Variants in LHX6 observed in about 807,000 individuals in gnomAD.
LHX6 encodes the protein LIM/homeobox protein Lhx6.
In LHX6, 15 loss-of-function variants were observed where a neutral mutation model predicts 47.1. The ratio of observed to expected loss-of-function variants is 0.32; its 90% CI spans 0.21 to 0.49. The LOEUF is 0.49. LHX6 is among the 20% of genes least tolerant of loss of function. The pLI is 0.99. For missense variants in LHX6, 404 were observed against 539.6 expected (o/e 0.75, Z 2.49); for synonymous variants, 242 against 233.5 (o/e 1.04, Z -0.33).
Position 122,217,425 on chromosome 9 carries a change from C to T in LHX6, c.462-137G>A. On this transcript the variant is annotated intron_variant, in intron 4 of 9. Transcript: ENST00000394319. The surrounding 1 kb of genome is among the most constrained non-coding windows in gnomAD (Gnocchi z 4.9). The stretch of plus-strand genomic sequence containing the variant: ...ACTCAGGCATTAGCCTTAGCTTGGA[C>T]GCAACAACACTCTACACCTAGTCCC... The T allele has an allele frequency of 4.7e-6, 3 of 636,298 alleles. No homozygotes were observed. The highest frequency in any genetic ancestry group is 2.8e-5 in the Admixed American group (1 of 36,156). 39.4% of individuals were successfully genotyped at this position (636,298 alleles called of 1,614,324 possible).
At chr9:122,218,468 T>A (rs1209560475) in intron 4 of LHX6, among the ~76,000 whole-genome samples, 1 of 150,128 alleles carries the variant, frequency 6.7e-6, no homozygotes, top group Non-Finnish European at 1.5e-5. Context: ...ATCCATCTCC[T>A]TCTCACCATC....
At chr9:122,219,293 G>A (rs1387274923) in intron 4 of LHX6, among the ~76,000 whole-genome samples, 3 of 152,220 alleles carry the variant, frequency 2.0e-5, no homozygotes, top group African/African-American at 7.2e-5. Context: ...AGGCGGCGCG[G>A]TTCCCTCAGG....
intron 1 of LHX6, chr9:122,228,025 G>C (rs998030132): frequency 3.2e-5 from 10 of 312,238 alleles, no homozygotes; most frequent in Non-Finnish European, 4.7e-5. Context: ...GGAGAAAAGA[G>C]AGAAAGAAAG....
chr9:122,214,235 A>G lies in LHX6; in HGVS notation c.783+48T>C. 1 of 1,026,968 alleles carries G rather than the reference A, an allele frequency of 9.7e-7. No homozygotes were observed. Among genetic ancestry groups the G allele is most frequent in the Non-Finnish European group, 1.3e-6 (1 of 767,448 alleles). 63.6% of individuals were successfully genotyped at this position (1,026,968 alleles called of 1,614,324 possible). A position where few individuals can be genotyped will look rare whatever the true frequency, so the allele number is the denominator to read the frequency against. On this transcript the variant is annotated intron_variant, in intron 6 of 9. Transcript: ENST00000394319. This position sits in a 1 kb window ranked among gnomAD's most constrained non-coding sequence, Gnocchi z 4.6. Reference sequence around the variant, plus strand: ...CCAGGAGACATTGTCGGCCCCGCCCACTTTCGGCCCGGCCCCCGCCCCCGC... The same window carrying G: ...CCAGGAGACATTGTCGGCCCCGCCCGCTTTCGGCCCGGCCCCCGCCCCCGC...
chr9:122,216,940 C>T (rs1244523923), intron 5 of LHX6, 128 bp downstream of exon 5: 1 of 759,870 alleles, frequency 1.3e-6, no homozygotes, highest in African/African-American at 1.7e-5. Context: ...CCCACCCCTA[C>T]GCTGCCTGCG....
chr9:122,208,950 G>C (rs190210980), intron 9 of LHX6, among the ~76,000 whole-genome samples: 157 of 152,058 alleles, frequency 1.0e-3, no homozygotes, highest in African/African-American at 3.7e-3. Context: ...ACTGGCTTTC[G>C]AGGCTAACTG....
chr9:122,227,505 AGGC>A (rs1220320765), intron 1 of LHX6, 25 bp from the exon 2 acceptor site: 24 of 1,519,218 alleles, frequency 1.6e-5, no homozygotes, highest in East Asian at 5.1e-5. Context: ...GAGGGAACGC[AGGC>A]GGCGGCGGCT....
chr9:122,215,853 T>C (rs1300415527), intron 5 of LHX6, among the ~76,000 whole-genome samples: 1 of 152,110 alleles, frequency 6.6e-6, no homozygotes, highest in African/African-American at 2.4e-5. Flanking sequence ...GGCAGGGTGG[T>C]TCATACTCCT....
At chr9:122,227,058 C>A in intron 2 of LHX6, 28 bp from the exon 3 acceptor site, 1 of 1,453,008 alleles carries the variant, frequency 6.9e-7, no homozygotes, top group Non-Finnish European at 9.1e-7. Context: ...AGGAGAGGAG[C>A]GCTGATCCGG....
chr9:122,203,795 C>T lies in LHX6; in HGVS notation c.*965G>A, dbSNP rs1830068094. On this transcript the variant is annotated 3_prime_UTR_variant, in exon 10 of 10. Transcript: ENST00000394319. ...GACTGCCATTTCACTGGGCTCTGTT[C>T]CCTCTCCCCTATAAGGGATTCCCCT... 1 of 152,646 alleles carries T rather than the reference C, an allele frequency of 6.6e-6. No homozygotes were observed. The highest frequency in any genetic ancestry group is 1.5e-5 in the Non-Finnish European group (1 of 68,130). The allele number at this position is 152,646 out of a possible 1,614,324, so 9.5% of individuals were successfully genotyped here.
rs1398658458 is a variant in LHX6, at chr9:122,214,052, G to A, written c.801C>T (p.Phe267=). The A allele has an allele frequency of 6.2e-7, 1 of 1,602,008 alleles. No individual in the cohort carries two copies. Among genetic ancestry groups the A allele is most frequent in the Non-Finnish European group, 8.5e-7 (1 of 1,179,492 alleles). ...AEQLQVMQAQ[F]AQDNNPDAQT... ...GAGCGTCGGGGTTGTTGTCCTGCGC[G>A]AACTGCGCCTGCATAACCTGCGGGG... Residue 267 remains phenylalanine, a synonymous_variant, in exon 7 of 10, where the codon TTC becomes TTT. Transcript: ENST00000394319. This position sits in a 1 kb window ranked among gnomAD's most constrained non-coding sequence, Gnocchi z 4.6.
At chr9:122,221,163 C>G in intron 4 of LHX6, 1 of 985,378 alleles carries the variant, frequency 1.0e-6, no homozygotes, top group Non-Finnish European at 1.2e-6. Flanking sequence ...GGAGGTGGGG[C>G]CCTACCTATT....
Position 122,213,950 on chromosome 9 carries a change from A to AG in LHX6, c.879+23dup. 1.0e-4 allele frequency: 90 copies of AG among 878,786 alleles called. No homozygotes were observed. The highest frequency in any genetic ancestry group is 1.4e-4 in the Non-Finnish European group (79 of 554,000). 54.4% of individuals were successfully genotyped at this position (878,786 alleles called of 1,614,324 possible). ...GCTCCGGGGCGTGCCCGCGGTCCCC[A>AG]GGCCCCGCCCACCCCCGTCCCACCT... On this transcript the variant is annotated intron_variant, in intron 7 of 9. Coordinates refer to ENST00000394319, the MANE Select transcript of LHX6 (RefSeq NM_014368.5). This position sits in a 1 kb window ranked among gnomAD's most constrained non-coding sequence, Gnocchi z 5.5.
chr9:122,207,220 C>T (rs762510470), intron 9 of LHX6, among the ~76,000 whole-genome samples: 1 of 152,194 alleles, frequency 6.6e-6, no homozygotes, highest in Non-Finnish European at 1.5e-5. Flanking sequence ...ATGAGCACTG[C>T]TCTGTCTGAG....
rs1588345222 is a variant in LHX6 at position 122,214,643 on chromosome 9, G to A, written c.683-260C>T. ...AGGTGGCGTTACCTCATTATACATG[G>A]GAGGAAACTGAGGCTCAGAGAGAAG... On this transcript the variant is annotated intron_variant, in intron 5 of 9. Coordinates refer to ENST00000394319, the MANE Select transcript of LHX6 (RefSeq NM_014368.5). This position sits in a 1 kb window ranked among gnomAD's most constrained non-coding sequence, Gnocchi z 4.6. Among the ~76,000 whole-genome samples, 1 of 152,086 alleles carries A rather than the reference G, an allele frequency of 6.6e-6. No homozygotes were observed. The highest frequency in any genetic ancestry group is 6.6e-5 in the Admixed American group (1 of 15,262).
intron 4 of LHX6, chr9:122,220,994 C>A: frequency 4.3e-6 from 3 of 705,658 alleles, no homozygotes; most frequent in Non-Finnish European, 5.2e-6. Flanking sequence ...ATTAAGCTAC[C>A]CCTTTTCTGT....
At chr9:122,204,920 C>A in intron 9 of LHX6, 140 bp from the exon 10 acceptor site, 1 of 518,966 alleles carries the variant, frequency 1.9e-6, no homozygotes, top group Non-Finnish European at 3.3e-6. Context: ...TGTCAACTGA[C>A]TTGCTGTGGG....
chr9:122,227,537 A>G, intron 1 of LHX6, 57 bp from the exon 2 acceptor site: 3 of 1,494,792 alleles, frequency 2.0e-6, no homozygotes, highest in African/African-American at 1.4e-5. Context: ...GGCTCCGCAC[A>G]GCCTGAGCCC....
chr9:122,214,087 C>A lies in LHX6; in HGVS notation c.784-18G>T, dbSNP rs528471077. On this transcript the variant is annotated intron_variant, in intron 6 of 9. Transcript: ENST00000394319. The surrounding 1 kb of genome is among the most constrained non-coding windows in gnomAD (Gnocchi z 4.6). ...TGCATAACCTGCGGGGCGGGGAGGGCGGTGAGGCGCTCGCACGCAGAGACT... is the reference window on the plus strand; with the variant it reads ...TGCATAACCTGCGGGGCGGGGAGGGAGGTGAGGCGCTCGCACGCAGAGACT... 1.0e-5 allele frequency: 16 copies of A among 1,591,936 alleles called. No homozygotes were observed. Among genetic ancestry groups the A allele is most frequent in the Non-Finnish European group, 1.2e-5 (14 of 1,174,446 alleles).
Sources: allele counts gnomAD v4.1 joint callset (sites outside exome capture counted in the v4.1 genomes callset), GRCh38; gene constraint gnomAD v4.1.1; non-coding constraint Gnocchi (gnomAD v3.1); transcripts MANE v1.5; gene names NCBI Gene and HGNC (gene_info 2026-07-23, HGNC 2026-07-21).